The following ILDR1 variants were observed in gnomAD, a reference collection of about 807,000 sequenced individuals.
ILDR1 encodes immunoglobulin-like domain-containing receptor 1.
ILDR1 carries 56 observed loss-of-function variants against 62.4 expected under a neutral mutation model. The ratio of observed to expected loss-of-function variants is 0.90; its 90% CI spans 0.72 to 1.12. The LOEUF is 1.12. Among genes scored for constraint, ILDR1 ranks in the 50% most tolerant of loss-of-function variants. The probability of loss-of-function intolerance (pLI) is 0.00; values close to 1 mark genes in which losing one functional copy is unlikely to be tolerated. For missense variants in ILDR1, 736 were observed against 710.6 expected (o/e 1.04, Z -0.41); for synonymous variants, 284 against 277.8 (o/e 1.02, Z -0.22).
At chr3:122,048,095 T>A in the ILDR1 span, among the ~76,000 whole-genome samples, 6 of 152,244 alleles carry the variant, frequency 3.9e-5, no homozygotes, top group Non-Finnish European at 8.8e-5. Context: ...TTTTCACATA[T>A]CCCCTTTATT....
upstream of ILDR1, among the ~76,000 whole-genome samples, chr3:122,026,495 C>T (rs1039498490): frequency 9.2e-5 from 14 of 152,154 alleles, no homozygotes; most frequent in Admixed American, 1.3e-4. Context: ...CTTTAATGAA[C>T]ATAAACATAT....
chr3:122,053,608 G>A, the ILDR1 span, among the ~76,000 whole-genome samples: 1 of 152,140 alleles, frequency 6.6e-6, no homozygotes, highest in Non-Finnish European at 1.5e-5. Context: ...TCAAACTCCT[G>A]GGTTCAAGCA....
At chr3:122,022,773 C>T (rs767219081), upstream of ILDR1, among the ~76,000 whole-genome samples, 3 of 152,182 alleles carry the variant, frequency 2.0e-5, no homozygotes, top group East Asian at 1.9e-4. Context: ...AACAGCCGTG[C>T]GTGGTGGCAC....
chr3:122,015,271 C>A (rs555107601), intron 1 of ILDR1, among the ~76,000 whole-genome samples: 1 of 152,236 alleles, frequency 6.6e-6, no homozygotes, highest in Non-Finnish European at 1.5e-5. Context: ...AGCCCAAAAT[C>A]TAAATCATCA....
At chr3:122,013,175 C>T (rs1190220375) in intron 1 of ILDR1, among the ~76,000 whole-genome samples, 1 of 152,196 alleles carries the variant, frequency 6.6e-6, no homozygotes, top group Admixed American at 6.5e-5. Context: ...AATACATGCA[C>T]ATCTTTGCAC....
the ILDR1 span, among the ~76,000 whole-genome samples, chr3:122,034,270 T>C: frequency 2.0e-5 from 3 of 152,232 alleles, no homozygotes; most frequent in Non-Finnish European, 4.4e-5. Flanking sequence ...CATTGAGTTC[T>C]AGAAATTATA....
rs557440338 is a variant in ILDR1, at chr3:122,013,709, C to T, written c.59-6548G>A. 1.1e-4 allele frequency among the ~76,000 whole-genome samples: 16 copies of T among 151,808 alleles called. No homozygotes were observed. In the East Asian group the frequency reaches 2.7e-3, roughly 26 times the overall value. ...AGACAAAGACAAGAGGGAGTGGTCA[C>T]GAACAAGAAGGAAAGGATAGGGAGA... is the stretch of plus-strand genomic sequence containing the variant. On this transcript the variant is annotated intron_variant, in intron 1 of 7. Coordinates refer to ENST00000344209, the MANE Select transcript of ILDR1 (RefSeq NM_001199799.2).
In ILDR1 at chr3:121,993,653, C is replaced by T; in HGVS notation, c.1096G>A (p.Glu366Lys). ...GGGTAATGGTGGTGGCTTCTCCCCT[C>T]CCTCAGATCCCAGGGCCTGGAGGGA... ...PIPSRPWDLR[E>K]GRSHHHYPDF... The change falls in exon 7 of 8, where the codon GAG (glutamate) becomes AAG (lysine). Residue 366 changes from glutamate (E) to lysine (K), a missense_variant. Coordinates refer to ENST00000344209, the MANE Select transcript of ILDR1 (RefSeq NM_001199799.2). 6.2e-7 allele frequency: 1 copy of T among 1,614,244 alleles called. No homozygotes were observed. Among genetic ancestry groups the T allele is most frequent in the Non-Finnish European group, 8.5e-7 (1 of 1,180,034 alleles).
Position 121,994,218 on chromosome 3 carries a change from C to G in ILDR1, c.742G>C (p.Val248Leu). The change falls in exon 6 of 8, where the codon GTT becomes CTT. Residue 248 changes from valine (V) to leucine (L), a missense_variant. Transcript: ENST00000344209. ...AGCGGGTGCATTGGATAAGATGAAA[C>G]CTGGGAGCTCCTGTCCGCCCCCCAG... Reference protein sequence around the residue: ...LYWGADRSSQVSSYPMHPLLQ... With the variant: ...LYWGADRSSQLSSYPMHPLLQ... 6.5e-7 allele frequency: 1 copy of G among 1,536,092 alleles called. No individual in the cohort carries two copies.
At chr3:122,035,035 G>A in the ILDR1 span, among the ~76,000 whole-genome samples, 4 of 152,228 alleles carry the variant, frequency 2.6e-5, no homozygotes, top group East Asian at 7.7e-4. Context: ...AATCCCACTA[G>A]GAGCTCAAGA....
chr3:122,046,171 C>T, the ILDR1 span, among the ~76,000 whole-genome samples: 1 of 151,266 alleles, frequency 6.6e-6, no homozygotes, highest in African/African-American at 2.4e-5. Context: ...TTCTCCTTCA[C>T]TTATGAAGCT....
chr3:122,036,765 G>C, the ILDR1 span, among the ~76,000 whole-genome samples: 1 of 152,306 alleles, frequency 6.6e-6, no homozygotes, highest in African/African-American at 2.4e-5. Context: ...AATGTCTCTA[G>C]GGCATTTCAG....
At chr3:121,990,066 C>T (rs2071317205) in intron 7 of ILDR1, among the ~76,000 whole-genome samples, 2 of 152,130 alleles carry the variant, frequency 1.3e-5, no homozygotes, top group Admixed American at 6.5e-5. Context: ...ACAGGAACTT[C>T]CAGTGCTGCA....
chr3:122,037,551 A>T, the ILDR1 span, among the ~76,000 whole-genome samples: 1 of 152,060 alleles, frequency 6.6e-6, no homozygotes, highest in Non-Finnish European at 1.5e-5. Flanking sequence ...CAAGGCCTGT[A>T]CCCCTATTGT....
At chr3:122,038,173 C>T in the ILDR1 span, among the ~76,000 whole-genome samples, 2 of 152,158 alleles carry the variant, frequency 1.3e-5, no homozygotes, top group Non-Finnish European at 2.9e-5. Context: ...CTGATCAGAA[C>T]ATCAGAGAAC....
rs2107633978 is a variant in ILDR1 at position 121,988,228 on chromosome 3, C to A, written c.*139G>T. The A allele has an allele frequency of 5.4e-6, 4 of 745,786 alleles. No individual in the cohort carries two copies. Among genetic ancestry groups the A allele is most frequent in the East Asian group, 5.3e-5 (2 of 37,766 alleles). The allele number at this position is 745,786 out of a possible 1,614,324, so 46.2% of individuals were successfully genotyped here. On this transcript the variant is annotated 3_prime_UTR_variant, in exon 8 of 8. Coordinates refer to ENST00000344209, the MANE Select transcript of ILDR1 (RefSeq NM_001199799.2). The stretch of plus-strand genomic sequence containing the variant: ...ATCTCAAACTCTTGTATTTAAAATT[C>A]TTCTATTTGATTCTCAGAATCTAAG...
the ILDR1 span, among the ~76,000 whole-genome samples, chr3:122,035,878 A>C: frequency 6.6e-6 from 1 of 152,248 alleles, no homozygotes; most frequent in East Asian, 1.9e-4. Context: ...AAAATGTGTA[A>C]GTGACTTTGG....
the ILDR1 span, among the ~76,000 whole-genome samples, chr3:122,050,043 C>G: frequency 2.0e-5 from 3 of 152,156 alleles, no homozygotes; most frequent in Non-Finnish European, 4.4e-5. Context: ...CACAAACAGA[C>G]GAAGATAAAG....
chr3:121,992,578 T>C (rs2071364308), intron 7 of ILDR1, among the ~76,000 whole-genome samples: 1 of 152,248 alleles, frequency 6.6e-6, no homozygotes, highest in Non-Finnish European at 1.5e-5. Context: ...AGAATCTTAA[T>C]GTTTTGGCCC....
Sources: gnomAD v4.1 joint callset for allele counts (sites outside exome capture counted in the v4.1 genomes callset) on GRCh38, gnomAD v4.1.1 for gene constraint, MANE v1.5 for transcripts, NCBI Gene and HGNC (gene_info 2026-07-23, HGNC 2026-07-21) for gene names.